Variants in SLC67A2 observed in about 807,000 individuals in gnomAD.
SLC67A2 encodes the protein solute carrier family 67 member A2.
the SLC67A2 span, among the ~76,000 whole-genome samples, chr2:102,730,238 G>A: frequency 1.3e-5 from 2 of 152,100 alleles, no homozygotes; most frequent in Non-Finnish European, 2.9e-5. Flanking sequence ...TAGAAACAGG[G>A]TCTTCCTTCC....
At chr2:102,726,547 A>C in the SLC67A2 span, among the ~76,000 whole-genome samples, 1 of 152,186 alleles carries the variant, frequency 6.6e-6, no homozygotes, top group African/African-American at 2.4e-5. Context: ...ACTTTAGGTA[A>C]GTGCTAATCA....
chr2:102,719,409 G>T, the SLC67A2 span, among the ~76,000 whole-genome samples: 1 of 151,880 alleles, frequency 6.6e-6, no homozygotes, highest in African/African-American at 2.4e-5. Context: ...AAGACTCTTT[G>T]CCTTTAAAAA....
the SLC67A2 span, chr2:102,736,405 A>C: frequency 7.7e-6 from 8 of 1,036,344 alleles, no homozygotes; most frequent in East Asian, 3.1e-5. Context: ...AAGGCAGGGA[A>C]GGGAAGACGT....
At chr2:102,729,588 C>A in the SLC67A2 span, among the ~76,000 whole-genome samples, 2 of 152,142 alleles carry the variant, frequency 1.3e-5, no homozygotes. Context: ...CTCTCCTGTA[C>A]AATCTGATAA....
the SLC67A2 span, among the ~76,000 whole-genome samples, chr2:102,728,555 T>A: frequency 1.3e-5 from 2 of 152,202 alleles, no homozygotes. Context: ...CTGTCATCCT[T>A]CTATAGGTGT....
the SLC67A2 span, chr2:102,723,673 A>ATTGT: frequency 2.0e-5 from 32 of 1,607,688 alleles, no homozygotes; most frequent in African/African-American, 2.4e-4. Context: ...AATACACAAA[A>ATTGT]CAATCTTCTC....
At chr2:102,723,788 G>A in the SLC67A2 span, 1 of 1,614,162 alleles carries the variant, frequency 6.2e-7, no homozygotes, top group South Asian at 1.1e-5. Flanking sequence ...CGACCACGGG[G>A]CCCAAGATGA....
chr2:102,719,581 G>A, the SLC67A2 span, among the ~76,000 whole-genome samples: 1 of 152,028 alleles, frequency 6.6e-6, no homozygotes, highest in African/African-American at 2.4e-5. Context: ...GTCTGTCCAC[G>A]TAACATCCAT....
At chr2:102,732,484 T>A in the SLC67A2 span, 3 of 1,211,136 alleles carry the variant, frequency 2.5e-6, no homozygotes, top group South Asian at 1.5e-5. Context: ...TAAACTAATT[T>A]AAAAAATAAA....
the SLC67A2 span, among the ~76,000 whole-genome samples, chr2:102,736,152 T>A: frequency 2.6e-5 from 4 of 152,306 alleles, no homozygotes; most frequent in South Asian, 6.2e-4. Flanking sequence ...CTGCATTTTT[T>A]AATATTTAAG....
chr2:102,732,001 G>C, the SLC67A2 span: 5 of 455,424 alleles, frequency 1.1e-5, no homozygotes, highest in Non-Finnish European at 2.1e-5. Context: ...GGTTCCTGTA[G>C]GCAGGAGTCC....
At chr2:102,721,557 T>C in the SLC67A2 span, among the ~76,000 whole-genome samples, 1 of 152,202 alleles carries the variant, frequency 6.6e-6, no homozygotes, top group Non-Finnish European at 1.5e-5. Context: ...TTCTCGTTTA[T>C]GAAGTCATTT....
chr2:102,730,974 T>C, the SLC67A2 span: 1 of 1,530,830 alleles, frequency 6.5e-7, no homozygotes, highest in Non-Finnish European at 9.0e-7. Context: ...AAACTTCAAG[T>C]CCCCAATTTT....
chr2:102,722,727 T>A, the SLC67A2 span, among the ~76,000 whole-genome samples: 3 of 152,122 alleles, frequency 2.0e-5, no homozygotes, highest in Admixed American at 2.0e-4. Flanking sequence ...CAATAATTTC[T>A]TAGGTATAAC....
the SLC67A2 span, chr2:102,732,130 A>T: frequency 4.3e-6 from 3 of 695,018 alleles, no homozygotes; most frequent in Admixed American, 4.1e-5. Flanking sequence ...CTCTTTGAAC[A>T]TACGTCGTCT....
chr2:102,718,971 G>GC, the SLC67A2 span: 1 of 1,614,204 alleles, frequency 6.2e-7, no homozygotes, highest in East Asian at 2.2e-5. Flanking sequence ...ATCAGCAAGC[G>GC]CACCAGAAAT....
At chr2:102,727,018 C>T in the SLC67A2 span, 23 of 1,591,894 alleles carry the variant, frequency 1.4e-5, no homozygotes, top group East Asian at 2.2e-5. Context: ...TTCACAGTAA[C>T]GACTACCACC....
At chr2:102,725,852 T>A in the SLC67A2 span, among the ~76,000 whole-genome samples, 7 of 151,872 alleles carry the variant, frequency 4.6e-5, no homozygotes, top group African/African-American at 1.7e-4. Context: ...ATTTGGGGAG[T>A]CAGTTAAAAG....
chr2:102,727,518 C>G, the SLC67A2 span, among the ~76,000 whole-genome samples: 2 of 152,284 alleles, frequency 1.3e-5, no homozygotes, highest in South Asian at 2.1e-4. Flanking sequence ...CCATTTTAAT[C>G]ACATTCCTTA....
Sources: gnomAD v4.1 joint callset for allele counts (sites outside exome capture counted in the v4.1 genomes callset) on GRCh38, gnomAD v4.1.1 for gene constraint, MANE v1.5 for transcripts, NCBI Gene and HGNC (gene_info 2026-07-23, HGNC 2026-07-21) for gene names.